ZNF679: variants seen among roughly 807,000 people sequenced by gnomAD.
The protein encoded by ZNF679 is zinc finger protein 679.
In ZNF679, 10 loss-of-function variants were observed where a neutral mutation model predicts 13.4. That is an observed-to-expected ratio of 0.75 (90% CI 0.46 to 1.27). The LOEUF (loss-of-function observed/expected upper bound fraction) is 1.27, where lower values mean the gene tolerates loss of function less well. ZNF679 is among the 50% of genes most tolerant of loss of function. The pLI, the probability that ZNF679 is intolerant of heterozygous loss-of-function variation, is 0.00. For missense variants in ZNF679, 525 were observed against 477.8 expected, an observed-to-expected ratio of 1.10 and a Z score of -0.92; for synonymous variants, 179 against 162.5, an observed-to-expected ratio of 1.10 and a Z score of -0.77.
intron 2 of ZNF679, among the ~76,000 whole-genome samples, chr7:64,256,455 T>C (rs895704275): frequency 2.6e-5 from 4 of 152,288 alleles, no homozygotes; most frequent in African/African-American, 9.6e-5. Context: ...CTGGGTCAAA[T>C]GGTAATTCTA....
At chr7:64,239,755 G>A (rs148165717) in intron 1 of ZNF679, among the ~76,000 whole-genome samples, 2 of 152,252 alleles carry the variant, frequency 1.3e-5, no homozygotes, top group South Asian at 2.1e-4. Context: ...TGACATTACT[G>A]GCCTAAGTAA....
Position 64,248,954 on chromosome 7 carries a change from C to T in ZNF679, c.-90-74C>T, listed in dbSNP as rs758115949. 9.7e-5 allele frequency: 99 copies of T among 1,017,044 alleles called. 1 individual carries two copies. The highest frequency in any genetic ancestry group is 4.9e-4 in the Middle Eastern group (2 of 4,070). The allele number at this position is 1,017,044 out of a possible 1,614,324, so 63.0% of individuals were successfully genotyped here. A position where few individuals can be genotyped will look rare whatever the true frequency, so the allele number is the denominator to read the frequency against. ...CAGGGGCCATATATTAGAAACTGTACAATCAGGCATGCAGCTGGAGAGAAC... is the reference window on the plus strand; with the variant it reads ...CAGGGGCCATATATTAGAAACTGTATAATCAGGCATGCAGCTGGAGAGAAC... On this transcript the variant is annotated intron_variant, in intron 1 of 4. Coordinates refer to ENST00000421025, the MANE Select transcript of ZNF679 (RefSeq NM_153363.3).
intron 2 of ZNF679, among the ~76,000 whole-genome samples, chr7:64,257,052 G>GGTTATTTGAAGTTAGTTTGAA (rs545994469): frequency 2.0e-5 from 3 of 151,946 alleles, no homozygotes; most frequent in Admixed American, 1.3e-4. Flanking sequence ...CTATGATTTT[G>GGTTATTTGAAGTTAGTTTGAA]GTTATTTGAA....
chr7:64,235,355 C>A (rs1181737755), intron 1 of ZNF679, among the ~76,000 whole-genome samples: 1 of 150,480 alleles, frequency 6.6e-6, no homozygotes. Flanking sequence ...AAGACAAACC[C>A]ACAAAACAGT....
chr7:64,241,256 C>A (rs1031931653), intron 1 of ZNF679, among the ~76,000 whole-genome samples: 1 of 152,068 alleles, frequency 6.6e-6, no homozygotes, highest in Non-Finnish European at 1.5e-5. Context: ...CTACAAGAGT[C>A]AAAATATCTT....
At chr7:64,255,701 C>T (rs778208526) in intron 2 of ZNF679, among the ~76,000 whole-genome samples, 12 of 151,944 alleles carry the variant, frequency 7.9e-5, no homozygotes, top group Admixed American at 2.6e-4. Flanking sequence ...CTCCGCCTCC[C>T]GGGTTCAAGA....
chr7:64,263,164 T>G (rs1788101116), intron 4 of ZNF679, among the ~76,000 whole-genome samples: 1 of 152,168 alleles, frequency 6.6e-6, no homozygotes, highest in South Asian at 2.1e-4. Context: ...CAGTCTTGGC[T>G]TACTGCAGCC....
At chr7:64,230,405 C>T (rs1275085666) in intron 1 of ZNF679, among the ~76,000 whole-genome samples, 6 of 151,860 alleles carry the variant, frequency 4.0e-5, no homozygotes, top group East Asian at 1.9e-4. Flanking sequence ...CGGTGGCGGG[C>T]GCCTGTAGTC....
chr7:64,252,031 GA>G (rs1787950082), intron 2 of ZNF679, among the ~76,000 whole-genome samples: 1 of 152,078 alleles, frequency 6.6e-6, no homozygotes, highest in Non-Finnish European at 1.5e-5. Context: ...ATTTGTGAAG[GA>G]AAAAAACTAT....
In ZNF679 at chr7:64,266,763, A is replaced by G; in HGVS notation, c.1130A>G (p.Glu377Gly). The part of the protein sequence containing the change: ...LNTHKRIHTG[E>G]EPYKCEECDK... ...ACTCATAAGAGGATTCATACTGGAGAGGAACCCTACAAATGTGAAGAATGT... is the reference window on the plus strand; with the variant it reads ...ACTCATAAGAGGATTCATACTGGAGGGGAACCCTACAAATGTGAAGAATGT... The change falls in exon 5 of 5, where the codon GAG becomes GGG. Residue 377 changes from glutamate (E) to glycine (G), a missense_variant. Physicochemically the swap from Glu to Gly is moderately conservative, Grantham distance 98. Coordinates refer to ENST00000421025, the MANE Select transcript of ZNF679 (RefSeq NM_153363.3). 6.2e-7 allele frequency: 1 copy of G among 1,610,930 alleles called. No homozygotes were observed. The highest frequency in any genetic ancestry group is 8.5e-7 in the Non-Finnish European group (1 of 1,178,430).
rs773515090 is a variant in ZNF679 at position 64,266,092 on chromosome 7, C to G, written c.459C>G (p.Asn153Lys). The G allele has an allele frequency of 1.2e-6, 2 of 1,612,692 alleles. No individual in the cohort carries two copies. Among genetic ancestry groups the G allele is most frequent in the Non-Finnish European group, 1.7e-6 (2 of 1,179,296 alleles). ...ACCAATGTTTGTCAACTACCCAAAA[C>G]AAAATATTTCAGACTCATAAATGTG... ...EVNQCLSTTQNKIFQTHKCVK... is the reference protein window; with the variant it reads ...EVNQCLSTTQKKIFQTHKCVK... The change falls in exon 5 of 5, where the codon AAC becomes AAG. Residue 153 changes from asparagine to lysine, a missense_variant. Asn to Lys is a moderately conservative substitution (Grantham distance 94). Transcript: ENST00000421025.
At chr7:64,249,240 C>T (rs1787910858) in intron 2 of ZNF679, 84 bp downstream of exon 2, 1 of 1,611,266 alleles carries the variant, frequency 6.2e-7, no homozygotes, top group Non-Finnish European at 8.5e-7. Context: ...ACCCAAACTT[C>T]CTCGCAGTCA....
chr7:64,261,860 C>CTT lies in ZNF679; in HGVS notation c.262+945_262+946dup, dbSNP rs57119054. ...TAATCATTTGTCCAATTCTTTCTTT[C>CTT]TTTTTTTTTTTTTTTGAGACTGAGT... On this transcript the variant is annotated intron_variant, in intron 4 of 4. Transcript: ENST00000421025. 5.1e-3 allele frequency among the ~76,000 whole-genome samples: 707 copies of CTT among 137,332 alleles called. 9 individuals are homozygous for CTT. The highest frequency in any genetic ancestry group is 0.015 in the African/African-American group (578 of 37,358). The allele number at this position is 137,332 out of a possible 152,430, so 90.1% of individuals were successfully genotyped here. A position where few individuals can be genotyped will look rare whatever the true frequency, so the allele number is the denominator to read the frequency against.
chr7:64,249,709 C>T lies in ZNF679; in HGVS notation c.39+553C>T, dbSNP rs973017365. Among the ~76,000 whole-genome samples, 3 of 152,138 alleles carry T rather than the reference C, an allele frequency of 2.0e-5. No individual in the cohort carries two copies. In the South Asian group the frequency reaches 6.2e-4, roughly 31 times the overall value. ...TGAAGCAAACCAAATTCAGTAACTG[C>T]TTTGGTAAAGTTATGTCGTTTCCTT... is the stretch of plus-strand genomic sequence containing the variant. On this transcript the variant is annotated intron_variant, in intron 2 of 4. Coordinates refer to ENST00000421025, the MANE Select transcript of ZNF679 (RefSeq NM_153363.3).
chr7:64,250,852 G>T (rs1358740601), intron 2 of ZNF679, among the ~76,000 whole-genome samples: 1 of 152,118 alleles, frequency 6.6e-6, no homozygotes, highest in Non-Finnish European at 1.5e-5. Context: ...CCTCCCAAGT[G>T]CTGGGATTAC....
intron 1 of ZNF679, among the ~76,000 whole-genome samples, chr7:64,239,950 A>G (rs1787773952): frequency 6.6e-6 from 1 of 152,068 alleles, no homozygotes; most frequent in Admixed American, 6.6e-5. Context: ...CCAGCCCACA[A>G]GTGGCACTGT....
At chr7:64,228,750 T>C (rs1216951910) in intron 1 of ZNF679, 98 bp downstream of exon 1, 1 of 152,226 alleles carries the variant, frequency 6.6e-6, no homozygotes, top group Non-Finnish European at 1.5e-5. Context: ...CCTCATAAGA[T>C]AGGCACAGCC....
chr7:64,230,162 G>A (rs1162724526), intron 1 of ZNF679, among the ~76,000 whole-genome samples: 3 of 152,172 alleles, frequency 2.0e-5, no homozygotes, highest in Non-Finnish European at 4.4e-5. Context: ...TTTCCCCTGT[G>A]GGCCACACTC....
chr7:64,249,298 T>C, intron 2 of ZNF679, 142 bp downstream of exon 2: 1 of 1,367,900 alleles, frequency 7.3e-7, no homozygotes, highest in South Asian at 1.2e-5. Context: ...GGTGGGCTGT[T>C]AGTCCCCTCG....
Sources: allele counts gnomAD v4.1 joint callset (sites outside exome capture counted in the v4.1 genomes callset), GRCh38; gene constraint gnomAD v4.1.1; transcripts MANE v1.5; gene names NCBI Gene and HGNC (gene_info 2026-07-23, HGNC 2026-07-21).